TPTE: variants seen among roughly 807,000 people sequenced by gnomAD.
TPTE encodes putative tyrosine-protein phosphatase TPTE.
TPTE carries 59 observed loss-of-function variants against 84.1 expected under a neutral mutation model. The observed-to-expected ratio is 0.70, with a 90% CI of 0.57 to 0.87. The LOEUF is 0.87. TPTE is among the 40% of genes least tolerant of loss of function. The pLI, the probability that TPTE is intolerant of heterozygous loss-of-function variation, is 0.00. For missense variants in TPTE, 382 were observed against 659.6 expected (o/e 0.58, Z 4.61); for synonymous variants, 130 against 223.5 (o/e 0.58, Z 3.73).
rs139617622 is a variant in TPTE, at chr21:10,578,375, G to A, written c.895G>A (p.Val299Ile). The A allele has an allele frequency of 1.2e-6, 2 of 1,611,852 alleles. No individual in the cohort carries two copies. The highest frequency in any genetic ancestry group is 1.3e-5 in the African/African-American group (1 of 74,884). Residue 299 changes from valine to isoleucine, a missense_variant, in exon 16 of 24, where the codon GTC becomes ATC. Transcript: ENST00000618007. Reference sequence around the variant, plus strand: ...CGATCCTAAGCACTTCCATAATAGGGTCGTTAGAATCATGATTGATGATCA... The same window carrying A: ...CGATCCTAAGCACTTCCATAATAGGATCGTTAGAATCATGATTGATGATCA... ...AYDPKHFHNR[V>I]VRIMIDDHNV...
intron 17 of TPTE, among the ~76,000 whole-genome samples, chr21:10,583,327 A>C (rs2075303024): frequency 6.6e-6 from 1 of 152,310 alleles, no homozygotes; most frequent in Non-Finnish European, 1.5e-5. Flanking sequence ...TTCTGTAATT[A>C]ATAAGATTGA....
intron 19 of TPTE, among the ~76,000 whole-genome samples, chr21:10,593,212 C>T (rs59674720): frequency 2.6e-5 from 4 of 151,778 alleles, no homozygotes; most frequent in South Asian, 2.1e-4. Context: ...AAATTTCAGT[C>T]GTCAGATCAT....
chr21:10,583,227 A>G (rs375612604), intron 17 of TPTE, among the ~76,000 whole-genome samples: 1 of 152,312 alleles, frequency 6.6e-6, no homozygotes, highest in Non-Finnish European at 1.5e-5. Flanking sequence ...AGCATTCCAT[A>G]TCTTCCCCAA....
At chr21:10,553,678 G>A (rs1006846996) in intron 8 of TPTE, among the ~76,000 whole-genome samples, 2 of 152,306 alleles carry the variant, frequency 1.3e-5, no homozygotes, top group African/African-American at 4.8e-5. Flanking sequence ...AGTAGTCCCT[G>A]TGAGAAATGC....
At chr21:10,566,886 A>G (rs2074932171) in intron 10 of TPTE, among the ~76,000 whole-genome samples, 1 of 152,268 alleles carries the variant, frequency 6.6e-6, no homozygotes, top group Non-Finnish European at 1.5e-5. Flanking sequence ...CTGAGGCAGG[A>G]GAATCGCTTG....
chr21:10,580,561 G>C (rs1481937825), intron 17 of TPTE, among the ~76,000 whole-genome samples: 1 of 152,304 alleles, frequency 6.6e-6, no homozygotes, highest in African/African-American at 2.4e-5. Context: ...TCATTTTTCT[G>C]CAAGTGGATA....
At chr21:10,597,885 A>G in intron 20 of TPTE, 130 bp from the exon 21 acceptor site, 1 of 1,286,688 alleles carries the variant, frequency 7.8e-7, no homozygotes, top group Non-Finnish European at 1.1e-6. Context: ...TGCAAGACCA[A>G]ATAAGTGACT....
chr21:10,570,605 C>T, intron 14 of TPTE, 56 bp downstream of exon 14: 1 of 1,613,284 alleles, frequency 6.2e-7, no homozygotes, highest in Non-Finnish European at 8.5e-7. Context: ...ACTGTGTAGT[C>T]ATAAGTTTAA....
At chr21:10,535,675 G>A (rs2074254426) in intron 3 of TPTE, among the ~76,000 whole-genome samples, 1 of 152,306 alleles carries the variant, frequency 6.6e-6, no homozygotes, top group African/African-American at 2.4e-5. Context: ...AATCCTATTT[G>A]GAGCAATGGG....
At chr21:10,593,464 T>C (rs2075523679) in intron 19 of TPTE, among the ~76,000 whole-genome samples, 1 of 152,272 alleles carries the variant, frequency 6.6e-6, no homozygotes, top group African/African-American at 2.4e-5. Context: ...CTTTTAAGAA[T>C]CTAAGTTCAT....
At chr21:10,574,251 T>C (rs368504807) in intron 14 of TPTE, among the ~76,000 whole-genome samples, 187 of 152,074 alleles carry the variant, frequency 1.2e-3, no homozygotes, top group African/African-American at 4.2e-3. Flanking sequence ...AATAAAAATA[T>C]AACTATCGAG....
intron 7 of TPTE, among the ~76,000 whole-genome samples, chr21:10,548,355 G>A (rs1244944402): frequency 2.0e-5 from 3 of 152,312 alleles, no homozygotes; most frequent in African/African-American, 4.8e-5. Context: ...ATTCCCAGCA[G>A]ATGCACCTCC....
chr21:10,565,630 ACAC>A (rs1347330509), intron 10 of TPTE, among the ~76,000 whole-genome samples: 3 of 152,302 alleles, frequency 2.0e-5, no homozygotes, highest in Non-Finnish European at 4.4e-5. Context: ...TATAACCAAA[ACAC>A]CATGGCACTG....
At chr21:10,585,286 T>A (rs2075343357) in intron 17 of TPTE, among the ~76,000 whole-genome samples, 1 of 152,212 alleles carries the variant, frequency 6.6e-6, no homozygotes, top group African/African-American at 2.4e-5. Context: ...TTCGTTTAGC[T>A]TGCTAAGAGT....
At chr21:10,562,503 A>G (rs983300426) in intron 10 of TPTE, among the ~76,000 whole-genome samples, 2 of 152,298 alleles carry the variant, frequency 1.3e-5, no homozygotes, top group Non-Finnish European at 2.9e-5. Flanking sequence ...AGGAAACTCA[A>G]AGAAATTCAA....
intron 7 of TPTE, among the ~76,000 whole-genome samples, chr21:10,550,034 T>C (rs1199248665): frequency 2.0e-5 from 3 of 152,422 alleles, no homozygotes; most frequent in East Asian, 3.8e-4. Flanking sequence ...AAGAAAAAAA[T>C]CTTTCAGCCA....
intron 17 of TPTE, among the ~76,000 whole-genome samples, chr21:10,587,681 C>T (rs2075391377): frequency 6.6e-6 from 1 of 152,306 alleles, no homozygotes; most frequent in Admixed American, 6.5e-5. Flanking sequence ...TCCCAAGTAG[C>T]TGGGATTACA....
At chr21:10,563,562 CTT>C (rs1430616424) in intron 10 of TPTE, among the ~76,000 whole-genome samples, 1 of 152,306 alleles carries the variant, frequency 6.6e-6, no homozygotes, top group Non-Finnish European at 1.5e-5. Flanking sequence ...TTTATGAAAA[CTT>C]ATTATAAGAT....
At chr21:10,553,219 G>A (rs982151274) in intron 8 of TPTE, among the ~76,000 whole-genome samples, 2 of 152,296 alleles carry the variant, frequency 1.3e-5, no homozygotes, top group African/African-American at 4.8e-5. Context: ...CTGACCTGAA[G>A]GCATTTTATC....
Sources: allele counts gnomAD v4.1 joint callset (sites outside exome capture counted in the v4.1 genomes callset), GRCh38; gene constraint gnomAD v4.1.1; transcripts MANE v1.5; gene names NCBI Gene and HGNC (gene_info 2026-07-23, HGNC 2026-07-21).